AKAP8L: variants seen among roughly 807,000 people sequenced by gnomAD.
AKAP8L encodes A-kinase anchor protein 8-like.
Under a neutral mutation model 77.5 loss-of-function variants are expected in AKAP8L, and 34 were observed. That is an observed-to-expected ratio of 0.44 (90% confidence interval 0.33 to 0.58). The LOEUF (loss-of-function observed/expected upper bound fraction) is 0.58, where lower values mean the gene tolerates loss of function less well. Among genes scored for constraint, AKAP8L ranks in the 20% least tolerant of loss-of-function variants. The pLI, the probability that AKAP8L is intolerant of heterozygous loss-of-function variation, is 0.02. For missense variants in AKAP8L, 806 were observed against 887.6 expected (o/e 0.91, Z 1.17); for synonymous variants, 342 against 340.7 (o/e 1.00, Z -0.04).
At chr19:15,412,887 G>T (rs928690534) in intron 1 of AKAP8L, among the ~76,000 whole-genome samples, 9 of 152,114 alleles carry the variant, frequency 5.9e-5, no homozygotes, top group Non-Finnish European at 5.9e-5. Context: ...CTGAAATTAC[G>T]ACAGATACCA....
Position 15,397,034 on chromosome 19 carries a change from C to T in AKAP8L, c.1536+116G>A. The T allele has an allele frequency of 7.0e-7, 1 of 1,433,406 alleles. No individual in the cohort carries two copies. Among genetic ancestry groups the T allele is most frequent in the Non-Finnish European group, 9.6e-7 (1 of 1,043,396 alleles). 88.8% of individuals were successfully genotyped at this position (1,433,406 alleles called of 1,614,324 possible). A position where few individuals can be genotyped will look rare whatever the true frequency, so the allele number is the denominator to read the frequency against. On this transcript the variant is annotated intron_variant, in intron 12 of 13. Transcript: ENST00000397410. The surrounding 1 kb of genome is among the most constrained non-coding windows in gnomAD (Gnocchi z 4.7). ...GAGCTGGAAATGTCCATATCCACCTCCTCCTGCCTCCACTGCAGTCCCTCA... is the reference window on the plus strand; with the variant it reads ...GAGCTGGAAATGTCCATATCCACCTTCTCCTGCCTCCACTGCAGTCCCTCA...
In AKAP8L at chr19:15,399,691, G is replaced by A. The variant is rs1337857547; in HGVS notation, c.1049-281C>T. The stretch of plus-strand genomic sequence containing the variant: ...CCAGGAGGAGGCTGGAAAGCAAAGA[G>A]GGGGTATCTTTGTGGGGACACTGGC... On this transcript the variant is annotated intron_variant, in intron 8 of 13. Transcript: ENST00000397410. This position sits in a 1 kb window ranked among gnomAD's most constrained non-coding sequence, Gnocchi z 6.1. The A allele has an allele frequency of 6.4e-6, 3 of 468,918 alleles. No individual in the cohort carries two copies. Among genetic ancestry groups the A allele is most frequent in the Non-Finnish European group, 1.2e-5 (3 of 257,886 alleles). The allele number at this position is 468,918 out of a possible 1,614,324, so 29.0% of individuals were successfully genotyped here. A position where few individuals can be genotyped will look rare whatever the true frequency, so the allele number is the denominator to read the frequency against.
chr19:15,396,074 A>T (rs1232822051), intron 12 of AKAP8L, among the ~76,000 whole-genome samples: 1 of 150,692 alleles, frequency 6.6e-6, no homozygotes, highest in Non-Finnish European at 1.5e-5. Flanking sequence ...TTTTCTTCCC[A>T]GAACTCTTGG....
At chr19:15,417,381 CCCA>C (rs1968225666) in intron 1 of AKAP8L, among the ~76,000 whole-genome samples, 1 of 152,196 alleles carries the variant, frequency 6.6e-6, no homozygotes, top group Non-Finnish European at 1.5e-5. Flanking sequence ...GGCAGAGCTG[CCCA>C]ACTTGGGCAC....
chr19:15,388,330 A>T (rs1270878266), intron 12 of AKAP8L, among the ~76,000 whole-genome samples: 2 of 117,106 alleles, frequency 1.7e-5, no homozygotes, highest in African/African-American at 3.5e-5. Context: ...ACAGTGAAAA[A>T]TTATGAGACA....
chr19:15,404,897 T>C (rs1967966543), intron 2 of AKAP8L, among the ~76,000 whole-genome samples: 1 of 152,358 alleles, frequency 6.6e-6, no homozygotes, highest in East Asian at 1.9e-4. Flanking sequence ...GCTGTCGTCC[T>C]GCACTTGGGT....
At position 15,380,072 on chromosome 19, in the gene AKAP8L, G is replaced by C. The variant is rs997512326; in HGVS notation, c.*50C>G. 5.2e-5 allele frequency: 75 copies of C among 1,440,392 alleles called. No homozygotes were observed. The highest frequency in any genetic ancestry group is 6.5e-5 in the Non-Finnish European group (72 of 1,108,832). 89.2% of individuals were successfully genotyped at this position (1,440,392 alleles called of 1,614,324 possible). ...AGGTGGGATGGGAAAACTTTATTAGGTTTGGTTTCCAGCTTCGGCCACGCG... is the reference window on the plus strand; with the variant it reads ...AGGTGGGATGGGAAAACTTTATTAGCTTTGGTTTCCAGCTTCGGCCACGCG... On this transcript the variant is annotated 3_prime_UTR_variant, in exon 14 of 14. Coordinates refer to ENST00000397410, the MANE Select transcript of AKAP8L (RefSeq NM_014371.4).
chr19:15,400,036 G>A, intron 8 of AKAP8L: 1 of 557,572 alleles, frequency 1.8e-6, no homozygotes, highest in Non-Finnish European at 3.2e-6. Flanking sequence ...ACTTTTACTA[G>A]CTGCCCCCAT....
chr19:15,385,382 C>T (rs575014768), intron 12 of AKAP8L, among the ~76,000 whole-genome samples: 4 of 151,156 alleles, frequency 2.6e-5, no homozygotes, highest in South Asian at 4.2e-4. Context: ...GGGGTTTCAC[C>T]GTGTTAGCCA....
intron 1 of AKAP8L, among the ~76,000 whole-genome samples, chr19:15,415,898 A>AC (rs1491546432): frequency 2.7e-4 from 3 of 11,050 alleles, no homozygotes; most frequent in East Asian, 0.038. Context: ...AAAAAAAAAC[A>AC]AAAAAAAAAT....
chr19:15,414,451 C>G (rs1968165919), intron 1 of AKAP8L, among the ~76,000 whole-genome samples: 1 of 151,778 alleles, frequency 6.6e-6, no homozygotes, highest in Non-Finnish European at 1.5e-5. Flanking sequence ...CTATATGGCC[C>G]TATAAAGCTA....
chr19:15,403,486 T>A lies in AKAP8L; in HGVS notation c.351A>T (p.Ser117=), dbSNP rs1967938732. The A allele has an allele frequency of 6.2e-7, 1 of 1,613,956 alleles. No individual in the cohort carries two copies. Among genetic ancestry groups the A allele is most frequent in the African/African-American group, 1.3e-5 (1 of 75,050 alleles). Residue 117 remains serine, a synonymous_variant, in exon 4 of 14, where the codon TCA becomes TCT. Transcript: ENST00000397410. The surrounding 1 kb of genome is among the most constrained non-coding windows in gnomAD (Gnocchi z 4.3). ...AGGTGTCCACTCACCTTTCTCCACC[T>A]GAGCCGTACACGCCTCCTTGCATCA... ...TDMMQGGVYG[S]GGERYDSYES... is the part of the protein sequence containing the mutation.
intron 1 of AKAP8L, among the ~76,000 whole-genome samples, chr19:15,413,727 G>C (rs188306046): frequency 5.9e-5 from 9 of 152,314 alleles, no homozygotes; most frequent in Admixed American, 4.6e-4. Flanking sequence ...CTGGAAACTT[G>C]TTCTTTCAGC....
Position 15,397,799 on chromosome 19 carries a change from G to T in AKAP8L, c.1214C>A (p.Ala405Asp). Reference sequence around the variant, plus strand: ...GTGGAACTTGCTGTCAAGATGGCTGGCCATCTCGTCCTCATAGAAGGTCCG... The same window carrying T: ...GTGGAACTTGCTGTCAAGATGGCTGTCCATCTCGTCCTCATAGAAGGTCCG... ...KYRTFYEDEM[A>D]SHLDSKFHKE... is the part of the protein sequence containing the mutation. Residue 405 changes from alanine (A) to aspartate (D), a missense_variant, in exon 10 of 14, where the codon GCC (alanine) becomes GAC (aspartate). Ala to Asp is a moderately radical substitution (Grantham distance 126, BLOSUM62 -2). Transcript: ENST00000397410. This position sits in a 1 kb window ranked among gnomAD's most constrained non-coding sequence, Gnocchi z 4.7. The T allele has an allele frequency of 6.8e-6, 11 of 1,613,916 alleles. No individual in the cohort carries two copies. The highest frequency in any genetic ancestry group is 9.3e-6 in the Non-Finnish European group (11 of 1,179,874).
chr19:15,383,527 T>C (rs1171791741), intron 12 of AKAP8L: 1 of 152,206 alleles, frequency 6.6e-6, no homozygotes, highest in Non-Finnish European at 1.5e-5. Context: ...GAAAAATTAA[T>C]TCTGAGGCTT....
intron 12 of AKAP8L, among the ~76,000 whole-genome samples, chr19:15,384,635 T>A (rs1967490758): frequency 6.6e-6 from 1 of 152,206 alleles, no homozygotes; most frequent in Admixed American, 6.5e-5. Context: ...TATTCTTAGC[T>A]ATTTCATACA....
At chr19:15,412,789 G>C (rs183606709) in intron 1 of AKAP8L, among the ~76,000 whole-genome samples, 1 of 152,156 alleles carries the variant, frequency 6.6e-6, no homozygotes, top group Admixed American at 6.5e-5. Flanking sequence ...TGATCCGCCC[G>C]CCTTGGCCTC....
chr19:15,397,247 T>C lies in AKAP8L; in HGVS notation c.1439A>G (p.Glu480Gly), dbSNP rs1396455023. 1.9e-6 allele frequency: 3 copies of C among 1,613,982 alleles called. No individual in the cohort carries two copies. The highest frequency in any genetic ancestry group is 2.5e-6 in the Non-Finnish European group (3 of 1,179,896). The part of the protein sequence containing the change: ...IAMEHFVKKV[E>G]AAHCAACDLF... ...GTCGCAGGCTGCACAATGGGCTGCC[T>C]CCACCTTCTTCACAAAATGCTCCAT... Residue 480 changes from glutamate (E) to glycine (G), a missense_variant, in exon 12 of 14, where the codon GAG becomes GGG. By Grantham distance (98) the Glu-to-Gly change is moderately conservative. Around this residue, in one of 2 missense-constraint regions of AKAP8L, gnomAD observed 580 missense variants for 694.1 expected, o/e 0.84. Transcript: ENST00000397410. The surrounding 1 kb of genome is among the most constrained non-coding windows in gnomAD (Gnocchi z 4.7).
At chr19:15,383,927 C>CTTTTTTTTTTTTTTTTTTTTTT (rs3040939) in intron 12 of AKAP8L, 1 of 83,682 alleles carries the variant, frequency 1.2e-5, no homozygotes. Flanking sequence ...AGGTCTATTT[C>CTTTTTTTTTTTTTTTTTTTTTT]TTTTTTTTTT....
Sources: gnomAD v4.1 joint callset for allele counts (sites outside exome capture counted in the v4.1 genomes callset) on GRCh38, gnomAD v4.1.1 for gene constraint, gnomAD v4.1.1 regional missense constraint, Gnocchi (gnomAD v3.1) non-coding constraint, MANE v1.5 for transcripts, NCBI Gene and HGNC (gene_info 2026-07-23, HGNC 2026-07-21) for gene names.